The following GRXCR2 variants were observed in gnomAD, a reference collection of about 807,000 sequenced individuals.
GRXCR2 encodes glutaredoxin domain-containing cysteine-rich protein 2.
GRXCR2 carries 23 observed loss-of-function variants against 24.8 expected under a neutral mutation model. The observed-to-expected ratio is 0.93, with a 90% CI of 0.67 to 1.32. The LOEUF (loss-of-function observed/expected upper bound fraction) is 1.32. GRXCR2 is among the 40% of genes most tolerant of loss of function. The pLI, the probability that GRXCR2 is intolerant of heterozygous loss-of-function variation, is 0.00. For missense variants in GRXCR2, 315 were observed against 303.4 expected (o/e 1.04, Z -0.28); for synonymous variants, 130 against 116.1 (o/e 1.12, Z -0.77).
upstream of GRXCR2, among the ~76,000 whole-genome samples, chr5:145,877,420 G>A (rs576988339): frequency 6.6e-6 from 1 of 151,234 alleles, no homozygotes; most frequent in Non-Finnish European, 1.5e-5. Flanking sequence ...TGCAATCTTG[G>A]CTCACTGCAA....
chr5:145,919,259 T>C, intron 2 of GRXCR2, among the ~76,000 whole-genome samples: 1 of 152,166 alleles, frequency 6.6e-6, no homozygotes, highest in East Asian at 1.9e-4. Context: ...TCTGGAAAAG[T>C]GACAGCCCTG....
At chr5:145,865,100 A>G (rs189764205) in intron 2 of GRXCR2, among the ~76,000 whole-genome samples, 2 of 152,296 alleles carry the variant, frequency 1.3e-5, no homozygotes, top group East Asian at 3.9e-4. Flanking sequence ...AAGCCCAGTC[A>G]TGACCTTCTT....
intron 2 of GRXCR2, among the ~76,000 whole-genome samples, chr5:145,879,167 T>C (rs1399517030): frequency 1.3e-5 from 2 of 152,164 alleles, no homozygotes; most frequent in East Asian, 3.8e-4. Flanking sequence ...AACATCATAA[T>C]GACAGGATCA....
At chr5:145,894,138 G>A (rs1256683535) in intron 2 of GRXCR2, among the ~76,000 whole-genome samples, 2 of 152,170 alleles carry the variant, frequency 1.3e-5, no homozygotes, top group African/African-American at 4.8e-5. Context: ...AAAGCAGTGT[G>A]TGGAGGGAAA....
At chr5:145,863,744 C>T (rs908920710) in intron 2 of GRXCR2, among the ~76,000 whole-genome samples, 3 of 152,144 alleles carry the variant, frequency 2.0e-5, no homozygotes, top group Non-Finnish European at 4.4e-5. Flanking sequence ...GGGATCTTCC[C>T]TCCTCTGCCT....
chr5:145,931,295 G>T (rs545006290), intron 2 of GRXCR2, among the ~76,000 whole-genome samples: 2 of 152,252 alleles, frequency 1.3e-5, no homozygotes, highest in South Asian at 4.1e-4. Context: ...GCCTCCCAAA[G>T]CGCTGGAATT....
chr5:145,910,537 C>T (rs76303880), intron 2 of GRXCR2, among the ~76,000 whole-genome samples: 2 of 152,112 alleles, frequency 1.3e-5, no homozygotes, highest in East Asian at 3.9e-4. Flanking sequence ...TAAGTATATA[C>T]TTATAATAGT....
chr5:145,896,657 G>C (rs901991436), intron 2 of GRXCR2, among the ~76,000 whole-genome samples: 5 of 152,184 alleles, frequency 3.3e-5, no homozygotes, highest in Non-Finnish European at 7.3e-5. Context: ...AGGATGTGGA[G>C]AAATAGGAAC....
upstream of GRXCR2, among the ~76,000 whole-genome samples, chr5:145,877,070 G>A (rs1216598524): frequency 6.6e-6 from 1 of 151,070 alleles, no homozygotes; most frequent in Non-Finnish European, 1.5e-5. Context: ...TGATAAGCAA[G>A]AATAAAATAA....
intron 2 of GRXCR2, among the ~76,000 whole-genome samples, chr5:145,926,304 C>T (rs6580391): frequency 0.18 from 27,558 of 151,818 alleles, 2,767 homozygotes; most frequent in Non-Finnish European, 0.23. Flanking sequence ...GATTTAACTC[C>T]CCCTGTTGCA....
At chr5:145,912,830 A>G (rs1757185271) in intron 2 of GRXCR2, among the ~76,000 whole-genome samples, 1 of 152,170 alleles carries the variant, frequency 6.6e-6, no homozygotes, top group South Asian at 2.1e-4. Flanking sequence ...AGCTTGGACA[A>G]GCAGAGATGA....
At chr5:145,914,824 G>A (rs1396523194) in intron 2 of GRXCR2, among the ~76,000 whole-genome samples, 1 of 152,124 alleles carries the variant, frequency 6.6e-6, no homozygotes, top group East Asian at 1.9e-4. Context: ...CTGGGGTTGT[G>A]GAATTATGTC....
chr5:145,880,032 A>G (rs1318485912), intron 2 of GRXCR2, among the ~76,000 whole-genome samples: 3 of 152,246 alleles, frequency 2.0e-5, no homozygotes, highest in Non-Finnish European at 4.4e-5. Context: ...TCTCTGGGAC[A>G]CATTTAAAGC....
chr5:145,916,126 G>A (rs528380805), intron 2 of GRXCR2, among the ~76,000 whole-genome samples: 2 of 152,232 alleles, frequency 1.3e-5, no homozygotes, highest in Middle Eastern at 3.4e-3. Flanking sequence ...AGCGGGGGGC[G>A]CTGCTCAGAG....
At chr5:145,882,282 G>A (rs1318411516) in intron 2 of GRXCR2, among the ~76,000 whole-genome samples, 2 of 152,058 alleles carry the variant, frequency 1.3e-5, no homozygotes, top group Non-Finnish European at 2.9e-5. Context: ...CTGACAAAGG[G>A]CTAATATCCA....
chr5:145,862,977 T>C (rs1228491612), intron 2 of GRXCR2, among the ~76,000 whole-genome samples: 1 of 152,216 alleles, frequency 6.6e-6, no homozygotes, highest in African/African-American at 2.4e-5. Context: ...GAGATGATTA[T>C]TGCTATTATT....
chr5:145,908,185 G>A (rs557044729), intron 2 of GRXCR2, among the ~76,000 whole-genome samples: 34 of 152,216 alleles, frequency 2.2e-4, no homozygotes, highest in Middle Eastern at 3.4e-3. Flanking sequence ...CTCAGAAGTC[G>A]ATTCTAAATT....
rs879879701 is a variant in GRXCR2, at chr5:145,889,177, AAAGAAAG to A, written c.-69-22456_-69-22450del. 6.3e-3 allele frequency among the ~76,000 whole-genome samples: 547 copies of A among 86,358 alleles called. 11 individuals carry two copies. The highest frequency in any genetic ancestry group is 0.021 in the African/African-American group (484 of 23,070). 56.7% of individuals were successfully genotyped at this position (86,358 alleles called of 152,430 possible). A position where few individuals can be genotyped will look rare whatever the true frequency, so the allele number is the denominator to read the frequency against. On this transcript the variant is annotated intron_variant, in intron 2 of 3. Transcript: ENST00000639411. The stretch of plus-strand genomic sequence containing the variant: ...GACCGAGACTCTGTCTCAAAAAAAG[AAAGAAAG>A]AAAGAAAGAAAGAAAGAAAGAAAGA...
intron 2 of GRXCR2, among the ~76,000 whole-genome samples, chr5:145,889,237 A>T (rs563860464): frequency 6.6e-6 from 1 of 151,302 alleles, no homozygotes; most frequent in African/African-American, 2.4e-5. Context: ...AGAAAGAAAG[A>T]AAGAAAGAAT....
Sources: gnomAD v4.1 joint callset for allele counts (sites outside exome capture counted in the v4.1 genomes callset) on GRCh38, gnomAD v4.1.1 for gene constraint, MANE v1.5 for transcripts, NCBI Gene and HGNC (gene_info 2026-07-23, HGNC 2026-07-21) for gene names.